CXCL14: variants seen among roughly 807,000 people sequenced by gnomAD.
The protein encoded by CXCL14 is C-X-C motif chemokine 14.
Under a neutral mutation model 16.1 loss-of-function variants are expected in CXCL14, and 9 were observed. The observed-to-expected ratio is 0.56, with a 90% CI of 0.34 to 0.97. The LOEUF (loss-of-function observed/expected upper bound fraction) is 0.97, where lower values mean the gene tolerates loss of function less well. Among genes scored for constraint, CXCL14 ranks in the 50% least tolerant of loss-of-function variants. The pLI, the probability that CXCL14 is intolerant of heterozygous loss-of-function variation, is 0.02. For synonymous variants in CXCL14, 55 were observed against 52.8 expected, an observed-to-expected ratio of 1.04 and a Z score of -0.18; for missense variants, 111 against 132.5, an observed-to-expected ratio of 0.84 and a Z score of 0.80.
intron 2 of CXCL14, 140 bp downstream of exon 2, chr5:135,578,294 C>G: frequency 1.4e-6 from 1 of 703,798 alleles, no homozygotes. Context: ...TAAGGACTCT[C>G]TGGGCAATTA....
At chr5:135,576,702 C>T (rs1263260300) in intron 2 of CXCL14, among the ~76,000 whole-genome samples, 3 of 152,114 alleles carry the variant, frequency 2.0e-5, no homozygotes, top group Non-Finnish European at 1.5e-5. Flanking sequence ...CTTCTGGGTG[C>T]AAGGACTCCC....
At chr5:135,577,528 CTG>C (rs763495611) in intron 2 of CXCL14, among the ~76,000 whole-genome samples, 2 of 152,226 alleles carry the variant, frequency 1.3e-5, no homozygotes, top group Non-Finnish European at 1.5e-5. Flanking sequence ...TTCGCAGACA[CTG>C]TGAAGGCCTT....
intron 3 of CXCL14, among the ~76,000 whole-genome samples, chr5:135,573,612 C>T (rs925805394): frequency 9.2e-5 from 14 of 152,134 alleles, no homozygotes; most frequent in Admixed American, 7.2e-4. Context: ...CCAGGCAAGT[C>T]ACCCCTCTCT....
At chr5:135,576,070 C>A (rs1302406139) in intron 2 of CXCL14, among the ~76,000 whole-genome samples, 2 of 152,210 alleles carry the variant, frequency 1.3e-5, no homozygotes, top group African/African-American at 2.4e-5. Flanking sequence ...TGTTCCTAGG[C>A]AACCTGTTCT....
At chr5:135,578,642 C>A in intron 1 of CXCL14, 73 bp downstream of exon 1, 1 of 1,584,216 alleles carries the variant, frequency 6.3e-7, no homozygotes, top group Non-Finnish European at 8.6e-7. Context: ...CCCAGGATGC[C>A]TAGAAATTGG....
At chr5:135,577,803 C>G (rs1226554478) in intron 2 of CXCL14, among the ~76,000 whole-genome samples, 1 of 152,226 alleles carries the variant, frequency 6.6e-6, no homozygotes, top group Non-Finnish European at 1.5e-5. Context: ...CCCCACATCC[C>G]CACCAAGCAG....
intron 2 of CXCL14, among the ~76,000 whole-genome samples, chr5:135,577,667 G>T (rs1286577036): frequency 6.6e-6 from 1 of 152,200 alleles, no homozygotes; most frequent in African/African-American, 2.4e-5. Flanking sequence ...CTTTGCCAAG[G>T]GCTCCCTTCC....
Position 135,578,496 on chromosome 5 carries a change from G to A in CXCL14, c.108C>T (p.Tyr36=). The A allele has an allele frequency of 6.2e-7, 1 of 1,614,234 alleles. No homozygotes were observed. Among genetic ancestry groups the A allele is most frequent in the Non-Finnish European group, 8.5e-7 (1 of 1,180,030 alleles). ...TCATTTCCAGCTTCTTCACGTCGCT[G>A]TAGCGGATCTTGGGTCCCTTCCGGG... ...KCSRKGPKIR[Y]SDVKKLEMKP... is the part of the protein sequence containing the mutation. The change falls in exon 2 of 4, where the codon TAC becomes TAT. Residue 36 remains tyrosine, a synonymous_variant. Coordinates refer to ENST00000512158, the MANE Select transcript of CXCL14 (RefSeq NM_004887.5).
chr5:135,578,491 T>G lies in CXCL14; in HGVS notation c.113A>C (p.Asp38Ala), dbSNP rs757927757. 14 of 1,614,100 alleles carry G rather than the reference T, an allele frequency of 8.7e-6. No individual in the cohort carries two copies. Among genetic ancestry groups the G allele is most frequent in the Non-Finnish European group, 1.2e-5 (14 of 1,180,042 alleles). ...SRKGPKIRYS[D>A]VKKLEMKPKY... ...TGGCTTCATTTCCAGCTTCTTCACG[T>G]CGCTGTAGCGGATCTTGGGTCCCTT... is the stretch of plus-strand genomic sequence containing the variant. Residue 38 changes from aspartate (D) to alanine (A), a missense_variant, in exon 2 of 4, where the codon GAC becomes GCC. By Grantham distance (126) the Asp-to-Ala change is moderately radical. Transcript: ENST00000512158.
rs868752918 is a variant in CXCL14 at position 135,578,749 on chromosome 5, C to T, written c.30G>A (p.Leu10=). MRLLAAALL[L]LLLALYTARV... is the part of the protein sequence containing the mutation. ...GCGCGGTGTACAGCGCCAGCAGCAG[C>T]AGGAGCAGCGCGGCCGCCAGGAGCC... Residue 10 remains leucine (L), a synonymous_variant, in exon 1 of 4, where the codon CTG becomes CTA. Transcript: ENST00000512158. 6 of 1,546,390 alleles carry T rather than the reference C, an allele frequency of 3.9e-6. No homozygotes were observed. Among genetic ancestry groups the T allele is most frequent in the South Asian group, 2.4e-5 (2 of 83,554 alleles).
intron 2 of CXCL14, among the ~76,000 whole-genome samples, chr5:135,575,660 C>T (rs1309241574): frequency 6.6e-6 from 1 of 152,170 alleles, no homozygotes; most frequent in Non-Finnish European, 1.5e-5. Flanking sequence ...GTGGGGGCTC[C>T]AGCCTGGAGG....
In CXCL14 at chr5:135,570,973, G is replaced by C. The variant is rs992134448; in HGVS notation, c.*880C>G. The C allele has an allele frequency of 2.0e-5, 3 of 152,206 alleles. No homozygotes were observed. The highest frequency in any genetic ancestry group is 4.4e-5 in the Non-Finnish European group (3 of 68,020). 9.4% of individuals were successfully genotyped at this position (152,206 alleles called of 1,614,324 possible). Reference sequence around the variant, plus strand: ...GCATGTTCTGTTGTGGTGAGGGAAAGAAACATGCTTTGAAGGTTTTCCCTT... The same window carrying C: ...GCATGTTCTGTTGTGGTGAGGGAAACAAACATGCTTTGAAGGTTTTCCCTT... On this transcript the variant is annotated 3_prime_UTR_variant, in exon 4 of 4. Transcript: ENST00000512158.
Position 135,578,764 on chromosome 5 carries a change from C to T in CXCL14, c.15G>A (p.Ala5=). Residue 5 remains alanine (A), a synonymous_variant, in exon 1 of 4, where the codon GCG becomes GCA. Coordinates refer to ENST00000512158, the MANE Select transcript of CXCL14 (RefSeq NM_004887.5). MRLL[A]AALLLLLLAL... ...CCAGCAGCAGCAGGAGCAGCGCGGC[C>T]GCCAGGAGCCTCATGCTGACCGGAG... 6.5e-7 allele frequency: 1 copy of T among 1,545,754 alleles called. No homozygotes were observed. The highest frequency in any genetic ancestry group is 8.7e-7 in the Non-Finnish European group (1 of 1,145,736).
chr5:135,572,643 T>C (rs972988976), intron 3 of CXCL14, among the ~76,000 whole-genome samples: 1 of 152,242 alleles, frequency 6.6e-6, no homozygotes, highest in African/African-American at 2.4e-5. Context: ...TCGTTCTTGA[T>C]TTCTGAGTAA....
At chr5:135,576,714 C>T (rs545333093) in intron 2 of CXCL14, among the ~76,000 whole-genome samples, 7 of 152,274 alleles carry the variant, frequency 4.6e-5, no homozygotes, top group African/African-American at 1.7e-4. Flanking sequence ...AGGACTCCCA[C>T]TTGCAAAGCG....
chr5:135,578,912 C>T lies in CXCL14; in HGVS notation c.-134G>A. ...GGCGCGCCTTCCGGCTCTGCTGGCT[C>T]CGGCTGCGCCGTCGGTGGATGCCCA... On this transcript the variant is annotated 5_prime_UTR_variant, in exon 1 of 4. Transcript: ENST00000512158. The T allele has an allele frequency of 1.0e-6, 1 of 969,080 alleles. No individual in the cohort carries two copies. The highest frequency in any genetic ancestry group is 1.4e-6 in the Non-Finnish European group (1 of 697,580). 60.0% of individuals were successfully genotyped at this position (969,080 alleles called of 1,614,324 possible). A position where few individuals can be genotyped will look rare whatever the true frequency, so the allele number is the denominator to read the frequency against.
intron 2 of CXCL14, among the ~76,000 whole-genome samples, chr5:135,576,146 C>T (rs1186078528): frequency 1.3e-5 from 2 of 152,132 alleles, no homozygotes; most frequent in Admixed American, 1.3e-4. Flanking sequence ...GGGGCAGGGG[C>T]GGGTCTTCCT....
Position 135,578,925 on chromosome 5 carries a change from C to A in CXCL14, c.-147G>T, listed in dbSNP as rs536497276. On this transcript the variant is annotated 5_prime_UTR_variant, in exon 1 of 4. Transcript: ENST00000512158. ...GCTCTGCTGGCTCCGGCTGCGCCGT[C>A]GGTGGATGCCCAGGGCTGTCTGTGG... 1 of 824,646 alleles carries A rather than the reference C, an allele frequency of 1.2e-6. No individual in the cohort carries two copies. The highest frequency in any genetic ancestry group is 1.8e-6 in the Non-Finnish European group (1 of 565,208). The allele number at this position is 824,646 out of a possible 1,614,324, so 51.1% of individuals were successfully genotyped here.
rs556447636 is a variant in CXCL14, at chr5:135,578,014, G to A, written c.170+420C>T. 1.4e-3 allele frequency among the ~76,000 whole-genome samples: 220 copies of A among 152,340 alleles called. 1 individual carries two copies. Among genetic ancestry groups the A allele is most frequent in the Admixed American group, 3.4e-3 (52 of 15,310 alleles). On this transcript the variant is annotated intron_variant, in intron 2 of 3. Coordinates refer to ENST00000512158, the MANE Select transcript of CXCL14 (RefSeq NM_004887.5). ...AAGGAGACTCAGGATTTAAGATAGTGTTTGCATTAGTCCTCTATCCAGTGA... is the reference window on the plus strand; with the variant it reads ...AAGGAGACTCAGGATTTAAGATAGTATTTGCATTAGTCCTCTATCCAGTGA...
Sources: allele counts gnomAD v4.1 joint callset (sites outside exome capture counted in the v4.1 genomes callset), GRCh38; gene constraint gnomAD v4.1.1; transcripts MANE v1.5; gene names NCBI Gene and HGNC (gene_info 2026-07-23, HGNC 2026-07-21).